The following DST variants were observed in gnomAD, a reference collection of about 807,000 sequenced individuals.
The protein encoded by DST is dystonin.
A neutral mutation model predicts 875.2 loss-of-function variants in DST; 253 were observed. That is an observed-to-expected ratio of 0.29 (90% confidence interval 0.26 to 0.32). The LOEUF (loss-of-function observed/expected upper bound fraction) is 0.32. Ranked by LOEUF, DST falls within the 10% of genes least tolerant of loss-of-function variation. The pLI, the probability that DST is intolerant of heterozygous loss-of-function variation, is 1.00. For missense variants in DST, 8,287 were observed against 9,111.6 expected (o/e 0.91, Z 3.68); for synonymous variants, 3,124 against 3,197.1 (o/e 0.98, Z 0.77).
At chr6:56,569,369 G>A (rs1297230337) in intron 54 of DST, among the ~76,000 whole-genome samples, 8 of 140,576 alleles carry the variant, frequency 5.7e-5, no homozygotes, top group Admixed American at 5.4e-4. Context: ...CCACAAATTT[G>A]GAATGGGGGA....
intron 36 of DST, chr6:56,616,792 C>A: frequency 6.2e-7 from 1 of 1,614,162 alleles, no homozygotes; most frequent in South Asian, 1.1e-5. Flanking sequence ...GAAACACTGA[C>A]AATGTCTTAG....
intron 84 of DST, 100 bp downstream of exon 84, chr6:56,492,834 C>T: frequency 9.5e-7 from 1 of 1,056,446 alleles, no homozygotes; most frequent in South Asian, 2.0e-5. Context: ...ATCACACCAC[C>T]ACAGTCCTGG....
At chr6:56,872,822 T>C (rs1777853095) in intron 3 of DST, among the ~76,000 whole-genome samples, 3 of 99,566 alleles carry the variant, frequency 3.0e-5, no homozygotes, top group Non-Finnish European at 2.1e-5. Context: ...ATACACTGAT[T>C]CCCCCCCCCC....
intron 3 of DST, among the ~76,000 whole-genome samples, chr6:56,890,942 C>A (rs1469009896): frequency 1.3e-5 from 2 of 152,232 alleles, no homozygotes; most frequent in African/African-American, 4.8e-5. Context: ...AAGCTATAAT[C>A]AGAGTTGCTT....
intron 36 of DST, among the ~76,000 whole-genome samples, chr6:56,622,440 G>A (rs1207329635): frequency 1.3e-5 from 2 of 151,748 alleles, no homozygotes; most frequent in African/African-American, 4.8e-5. Flanking sequence ...GTGGTGGCAG[G>A]CGGCAGGCGC....
intron 3 of DST, among the ~76,000 whole-genome samples, chr6:56,869,665 C>T (rs1337126973): frequency 6.6e-6 from 1 of 151,426 alleles, no homozygotes; most frequent in Non-Finnish European, 1.5e-5. Flanking sequence ...ACAATCTATG[C>T]AGTATGAAAA....
At chr6:56,603,105 A>T in intron 42 of DST, 74 bp from the exon 43 acceptor site, 1 of 1,528,530 alleles carries the variant, frequency 6.5e-7, no homozygotes, top group South Asian at 1.2e-5. Flanking sequence ...ACTGTGGTTT[A>T]AGAGTTAGCA....
chr6:56,544,462 G>C (rs1486968722), intron 61 of DST, among the ~76,000 whole-genome samples: 1 of 152,144 alleles, frequency 6.6e-6, no homozygotes, highest in African/African-American at 2.4e-5. Context: ...TCACATTTGA[G>C]GTGGGTAGTA....
chr6:56,719,699 C>T (rs1482547130), intron 5 of DST, among the ~76,000 whole-genome samples: 2 of 152,154 alleles, frequency 1.3e-5, no homozygotes, highest in African/African-American at 4.8e-5. Flanking sequence ...AAGCGTCAGC[C>T]GGTTTGAGAA....
In DST at chr6:56,542,428, T is replaced by TAAAAAAA. The variant is rs60688419; in HGVS notation, c.16609-5495_16609-5489dup. The TAAAAAAA allele has an allele frequency of 1.2e-3, 81 of 68,088 alleles. 5 individuals are homozygous for TAAAAAAA. Among genetic ancestry groups the TAAAAAAA allele is most frequent in the African/African-American group, 5.2e-3 (79 of 15,330 alleles). The allele number at this position is 68,088 out of a possible 1,614,324, so 4.2% of individuals were successfully genotyped here. On this transcript the variant is annotated intron_variant, in intron 61 of 103. Coordinates refer to ENST00000680361, the MANE Select transcript of DST (RefSeq NM_001374736.1). ...AGCATGGTGTACTACTAAGCTTCTT[T>TAAAAAAA]AAAAAAAAAAAAAAAAAAAAAAAAA...
In DST at chr6:56,950,008, T is replaced by G. The variant is rs543896427; in HGVS notation, c.216+3777A>C. ...AAAACTAAAGGATTTGCCAGTTCAG[T>G]ATTATAAGAAATGTCAACTAAAAAC... On this transcript the variant is annotated intron_variant, in intron 2 of 103. Transcript: ENST00000680361. Among the ~76,000 whole-genome samples the G allele has an allele frequency of 7.2e-5, 11 of 152,328 alleles. No individual in the cohort carries two copies. In the South Asian group the frequency reaches 8.3e-4, roughly 11 times the overall value.
chr6:56,873,432 TC>T (rs1778264018), intron 3 of DST, among the ~76,000 whole-genome samples: 2 of 152,206 alleles, frequency 1.3e-5, no homozygotes, highest in Admixed American at 1.3e-4. Flanking sequence ...CTGAGGCATT[TC>T]AATAGCAAGA....
rs561884418 is a variant in DST at position 56,468,331 on chromosome 6, G to A, written c.22569+651C>T. Among the ~76,000 whole-genome samples the A allele has an allele frequency of 2.9e-3, 447 of 152,044 alleles. 5 individuals carry two copies. Among genetic ancestry groups the A allele is most frequent in the Middle Eastern group, 0.014 (4 of 290 alleles). ...TTAAGTGCCAATAATATAAATATTCGATCAAGATGGCATAAAATGTGACTT... is the reference window on the plus strand; with the variant it reads ...TTAAGTGCCAATAATATAAATATTCAATCAAGATGGCATAAAATGTGACTT... On this transcript the variant is annotated intron_variant, in intron 98 of 103. Transcript: ENST00000680361.
chr6:56,741,835 T>A (rs1480396324), intron 4 of DST, among the ~76,000 whole-genome samples: 2 of 152,224 alleles, frequency 1.3e-5, no homozygotes, highest in Middle Eastern at 3.2e-3. Context: ...TATTTGAAAA[T>A]TATTTCATTT....
At chr6:56,672,837 T>C (rs1452338920) in intron 9 of DST, among the ~76,000 whole-genome samples, 2 of 152,250 alleles carry the variant, frequency 1.3e-5, no homozygotes, top group African/African-American at 4.8e-5. Flanking sequence ...TTGACTTTAT[T>C]ATTTTCTTAA....
intron 99 of DST, among the ~76,000 whole-genome samples, chr6:56,465,439 C>T (rs1450507451): frequency 1.3e-5 from 2 of 152,012 alleles, no homozygotes; most frequent in Non-Finnish European, 2.9e-5. Flanking sequence ...CAAATGACCA[C>T]GTGTAACGTA....
chr6:56,808,120 C>A (rs1270265933), intron 4 of DST, among the ~76,000 whole-genome samples: 1 of 152,006 alleles, frequency 6.6e-6, no homozygotes, highest in Non-Finnish European at 1.5e-5. Flanking sequence ...GGTGAGTCTC[C>A]CTGGGCTAAG....
intron 2 of DST, among the ~76,000 whole-genome samples, chr6:56,946,800 A>G (rs2127803151): frequency 6.6e-6 from 1 of 152,344 alleles, no homozygotes; most frequent in Admixed American, 6.5e-5. Context: ...GAGGGTAAAC[A>G]TTTAGGAATA....
At chr6:56,564,337 G>A (rs1322375193) in intron 55 of DST, among the ~76,000 whole-genome samples, 1 of 152,064 alleles carries the variant, frequency 6.6e-6, no homozygotes, top group East Asian at 1.9e-4. Flanking sequence ...TCTTTGTAGC[G>A]ATTGTGAATG....
Sources: allele counts gnomAD v4.1 joint callset (sites outside exome capture counted in the v4.1 genomes callset), GRCh38; gene constraint gnomAD v4.1.1; transcripts MANE v1.5; gene names NCBI Gene and HGNC (gene_info 2026-07-23, HGNC 2026-07-21).